Variants in OTUD7A observed in about 807,000 individuals in gnomAD.
OTUD7A encodes OTU deubiquitinase 7A, also known as OTU domain-containing protein 7A.
Under a neutral mutation model 65.7 loss-of-function variants are expected in OTUD7A, and 12 were observed. The ratio of observed to expected loss-of-function variants is 0.18; its 90% CI spans 0.12 to 0.30. The LOEUF (loss-of-function observed/expected upper bound fraction) is 0.30, where lower values mean the gene tolerates loss of function less well. Ranked by LOEUF, OTUD7A falls within the 10% of genes least tolerant of loss-of-function variation. The probability of loss-of-function intolerance (pLI) is 1.00; values close to 1 mark genes in which losing one functional copy is unlikely to be tolerated. For synonymous variants in OTUD7A, 641 were observed against 586.3 expected (o/e 1.09, Z -1.35); for missense variants, 1,148 against 1,304.8 (o/e 0.88, Z 1.85).
intron 1 of OTUD7A, among the ~76,000 whole-genome samples, chr15:31,811,200 GAC>G (rs1465762021): frequency 6.6e-6 from 1 of 152,186 alleles, no homozygotes; most frequent in African/African-American, 2.4e-5. Context: ...GCTAGGGAGA[GAC>G]AGTGATGGCT....
chr15:31,515,949 T>TC (rs2041846368), intron 8 of OTUD7A, among the ~76,000 whole-genome samples: 1 of 140,890 alleles, frequency 7.1e-6, no homozygotes, highest in Non-Finnish European at 1.6e-5. Context: ...CATCCATCCA[T>TC]CCATCCACCC....
intron 3 of OTUD7A, among the ~76,000 whole-genome samples, chr15:31,581,298 G>A (rs767643813): frequency 1.1e-4 from 16 of 152,214 alleles, no homozygotes; most frequent in Non-Finnish European, 2.1e-4. Flanking sequence ...GGCATTGAGT[G>A]TCTACAGCTT....
intron 1 of OTUD7A, among the ~76,000 whole-genome samples, chr15:31,750,983 A>C (rs1446907589): frequency 6.6e-6 from 1 of 152,166 alleles, no homozygotes; most frequent in African/African-American, 2.4e-5. Flanking sequence ...CTAGAAGAAA[A>C]CCTAGAAAAT....
chr15:31,679,657 C>T (rs139168577), intron 1 of OTUD7A, among the ~76,000 whole-genome samples: 17 of 152,304 alleles, frequency 1.1e-4, no homozygotes, highest in Non-Finnish European at 1.9e-4. Context: ...TTCCCCTTCA[C>T]GTTCCGCCAT....
At chr15:31,774,177 A>G (rs10775164) in intron 1 of OTUD7A, among the ~76,000 whole-genome samples, 150,450 of 152,304 alleles carry the variant, frequency 0.99, 74,343 homozygotes, top group East Asian at 1. Flanking sequence ...CGGCTGCTCA[A>G]TGGTTTCCTG....
chr15:31,843,831 C>T (rs1897241821), intron 1 of OTUD7A, among the ~76,000 whole-genome samples: 2 of 152,186 alleles, frequency 1.3e-5, no homozygotes, highest in African/African-American at 4.8e-5. Context: ...CACCAAAGCA[C>T]TCTTTGATGG....
At chr15:31,685,303 C>T (rs1367304702) in intron 1 of OTUD7A, among the ~76,000 whole-genome samples, 1 of 152,104 alleles carries the variant, frequency 6.6e-6, no homozygotes, top group Non-Finnish European at 1.5e-5. Context: ...AGAGGTTTGC[C>T]TTAACTTAGC....
chr15:31,842,227 G>C (rs1047095206), intron 1 of OTUD7A, among the ~76,000 whole-genome samples: 1 of 152,260 alleles, frequency 6.6e-6, no homozygotes, highest in African/African-American at 2.4e-5. Flanking sequence ...TGACCCCAGG[G>C]GGGTATGAGG....
chr15:31,501,200 C>T (rs1349315487), intron 10 of OTUD7A, among the ~76,000 whole-genome samples: 1 of 152,216 alleles, frequency 6.6e-6, no homozygotes, highest in African/African-American at 2.4e-5. Context: ...ATATTTTAGG[C>T]GCTGCAGGCC....
chr15:31,586,356 C>T (rs1175998908), intron 3 of OTUD7A, among the ~76,000 whole-genome samples: 1 of 152,220 alleles, frequency 6.6e-6, no homozygotes, highest in Non-Finnish European at 1.5e-5. Context: ...CAATTTACAA[C>T]ATGGCTATGG....
chr15:31,764,332 G>C (rs1228544432), intron 1 of OTUD7A, among the ~76,000 whole-genome samples: 9 of 152,028 alleles, frequency 5.9e-5, no homozygotes, highest in Non-Finnish European at 8.8e-5. Flanking sequence ...ATAAAAATCA[G>C]TAATGTTAAA....
intron 1 of OTUD7A, among the ~76,000 whole-genome samples, chr15:31,811,939 G>A (rs1022693168): frequency 6.6e-6 from 1 of 152,182 alleles, no homozygotes; most frequent in Non-Finnish European, 1.5e-5. Flanking sequence ...CTTCACTCTC[G>A]CTGGAGCCCA....
chr15:31,554,446 G>A (rs866717565), intron 5 of OTUD7A, among the ~76,000 whole-genome samples: 2 of 152,300 alleles, frequency 1.3e-5, no homozygotes, highest in Middle Eastern at 6.8e-3. Context: ...AAGTGACGTG[G>A]CCAAGCTCCC....
chr15:31,826,366 T>A (rs1896797884), intron 1 of OTUD7A, among the ~76,000 whole-genome samples: 1 of 152,220 alleles, frequency 6.6e-6, no homozygotes, highest in Admixed American at 6.5e-5. Context: ...GCTTGCACCA[T>A]CTGAAGCCAC....
Position 31,561,749 on chromosome 15 carries a change from T to C in OTUD7A, c.332-2562A>G, listed in dbSNP as rs1453151384. 2.0e-5 allele frequency among the ~76,000 whole-genome samples: 3 copies of C among 151,030 alleles called. No homozygotes were observed. In the East Asian group the frequency reaches 5.8e-4, roughly 29 times the overall value. ...AACATTTCCTGTGACACCCCAGGAA[T>C]GCACACATATCATCTCTCTCACACA... On this transcript the variant is annotated intron_variant, in intron 4 of 12. Coordinates refer to ENST00000307050, the MANE Select transcript of OTUD7A (RefSeq NM_001382637.1).
At chr15:31,667,748 GTGTGAT>G (rs926531402) in intron 1 of OTUD7A, among the ~76,000 whole-genome samples, 4 of 151,982 alleles carry the variant, frequency 2.6e-5, no homozygotes, top group Admixed American at 6.6e-5. Flanking sequence ...TATAGGTCCC[GTGTGAT>G]TTATGCTTTA....
At chr15:31,808,990 A>T (rs1402631060) in intron 1 of OTUD7A, among the ~76,000 whole-genome samples, 1 of 152,202 alleles carries the variant, frequency 6.6e-6, no homozygotes, top group Non-Finnish European at 1.5e-5. Flanking sequence ...GTGGAGACTG[A>T]AAAGCAAAAT....
chr15:31,547,972 C>T lies in OTUD7A; in HGVS notation c.550+10997G>A, dbSNP rs961763551. Among the ~76,000 whole-genome samples the T allele has an allele frequency of 8.5e-5, 13 of 152,242 alleles. No homozygotes were observed. The East Asian group carries it at 1.9e-3, about 23-fold the overall frequency. On this transcript the variant is annotated intron_variant, in intron 5 of 12. Coordinates refer to ENST00000307050, the MANE Select transcript of OTUD7A (RefSeq NM_001382637.1). ...AATGGTCAAAATGCTTCCTCCTTTA[C>T]GCTTTCTCAGCTGTGCTGGAACTGC...
chr15:31,726,732 T>C (rs528994186), intron 1 of OTUD7A, among the ~76,000 whole-genome samples: 78 of 152,312 alleles, frequency 5.1e-4, no homozygotes, highest in African/African-American at 1.7e-3. Flanking sequence ...TGATCCACTG[T>C]ACCTACCAGC....
Sources: allele counts gnomAD v4.1 joint callset (sites outside exome capture counted in the v4.1 genomes callset), GRCh38; gene constraint gnomAD v4.1.1; transcripts MANE v1.5; gene names NCBI Gene and HGNC (gene_info 2026-07-23, HGNC 2026-07-21).